The following GLI3 variants were observed in gnomAD, a reference collection of about 807,000 sequenced individuals.
GLI3 encodes the protein GLI family zinc finger 3.
GLI3 carries 20 observed loss-of-function variants against 100.8 expected under a neutral mutation model. The observed-to-expected ratio is 0.20, with a 90% CI of 0.14 to 0.29. GLI3 has a LOEUF of 0.29. Among genes scored for constraint, GLI3 ranks in the 10% least tolerant of loss-of-function variants. The pLI is 1.00. For missense variants in GLI3, 2,040 were observed against 2,128.5 expected (o/e 0.96, Z 0.82); for synonymous variants, 938 against 860.5 (o/e 1.09, Z -1.58).
intron 6 of GLI3, among the ~76,000 whole-genome samples, chr7:42,042,091 G>A (rs973814106): frequency 6.8e-6 from 1 of 146,696 alleles, no homozygotes; most frequent in Non-Finnish European, 1.5e-5. Flanking sequence ...TCGGCTCACT[G>A]CAACTCTGTC....
At chr7:42,232,003 A>G (rs1020376767) in intron 1 of GLI3, among the ~76,000 whole-genome samples, 1 of 152,210 alleles carries the variant, frequency 6.6e-6, no homozygotes, top group Non-Finnish European at 1.5e-5. Context: ...AGATTTAAGT[A>G]AAAGTGCACT....
intron 4 of GLI3, among the ~76,000 whole-genome samples, chr7:42,072,571 A>C (rs1421408510): frequency 6.6e-6 from 1 of 152,212 alleles, no homozygotes; most frequent in Non-Finnish European, 1.5e-5. Flanking sequence ...ATTCTGGGGT[A>C]GTAGGCTGTA....
At chr7:42,092,350 T>A (rs62443772) in intron 3 of GLI3, among the ~76,000 whole-genome samples, 29,547 of 152,140 alleles carry the variant, frequency 0.19, 3,155 homozygotes, top group Admixed American at 0.34. Flanking sequence ...AAGTTGTGCC[T>A]GAGAAAAACA....
chr7:42,045,559 C>G (rs781368701), intron 5 of GLI3, 29 bp from the exon 6 acceptor site: 1 of 1,611,600 alleles, frequency 6.2e-7, no homozygotes, highest in Non-Finnish European at 8.5e-7. Flanking sequence ...TGTATGGTTA[C>G]TAGCGAAAGA....
chr7:42,034,300 G>T (rs1445227862), intron 7 of GLI3, among the ~76,000 whole-genome samples: 1 of 152,196 alleles, frequency 6.6e-6, no homozygotes, highest in East Asian at 1.9e-4. Context: ...CGACCCACCA[G>T]GTTGAATTTG....
chr7:42,075,308 AC>A (rs1367085127), intron 4 of GLI3, among the ~76,000 whole-genome samples: 1 of 152,246 alleles, frequency 6.6e-6, no homozygotes, highest in Non-Finnish European at 1.5e-5. Flanking sequence ...TAAATTAAGT[AC>A]ATCACAAAGG....
At chr7:42,143,650 C>T (rs1786628042) in intron 3 of GLI3, among the ~76,000 whole-genome samples, 1 of 152,248 alleles carries the variant, frequency 6.6e-6, no homozygotes. Context: ...AAATGCAAGC[C>T]AATTAAAAAT....
chr7:42,175,276 T>C (rs1292751302), intron 2 of GLI3, among the ~76,000 whole-genome samples: 3 of 152,196 alleles, frequency 2.0e-5, no homozygotes, highest in Non-Finnish European at 2.9e-5. Context: ...TCCAGTTGTA[T>C]AAGCTGAGGA....
chr7:41,970,610 T>C (rs1787338901), intron 13 of GLI3, among the ~76,000 whole-genome samples: 1 of 152,188 alleles, frequency 6.6e-6, no homozygotes, highest in Non-Finnish European at 1.5e-5. Context: ...CATTGGGACA[T>C]CTCAATGTTG....
chr7:42,219,853 CTT>C (rs769305998), intron 2 of GLI3, among the ~76,000 whole-genome samples: 31 of 133,636 alleles, frequency 2.3e-4, no homozygotes, highest in South Asian at 2.4e-4. Flanking sequence ...AAACTGAACT[CTT>C]TTTTTTTTTT....
intron 2 of GLI3, among the ~76,000 whole-genome samples, chr7:42,209,611 A>G (rs1788222421): frequency 1.3e-5 from 2 of 152,208 alleles, no homozygotes; most frequent in African/African-American, 4.8e-5. Flanking sequence ...AGACTTGAAT[A>G]TCAAGAATAT....
chr7:42,194,759 CTTT>C (rs61524545), intron 2 of GLI3, among the ~76,000 whole-genome samples: 8 of 108,940 alleles, frequency 7.3e-5, no homozygotes, highest in Middle Eastern at 5.7e-3. Flanking sequence ...CTCTCTGTCT[CTTT>C]TTTTTTTTTT....
intron 12 of GLI3, among the ~76,000 whole-genome samples, chr7:41,975,066 C>A (rs1246872175): frequency 6.6e-6 from 1 of 152,118 alleles, no homozygotes; most frequent in Non-Finnish European, 1.5e-5. Flanking sequence ...GAGGTTCAAC[C>A]GAATCAGAGC....
intron 1 of GLI3, among the ~76,000 whole-genome samples, chr7:42,225,385 A>G (rs1324105408): frequency 3.3e-5 from 5 of 152,138 alleles, no homozygotes; most frequent in Admixed American, 2.0e-4. Flanking sequence ...TTTGAGACAG[A>G]GTCTCACTCT....
At chr7:42,185,453 T>C (rs1375899291) in intron 2 of GLI3, among the ~76,000 whole-genome samples, 1 of 152,132 alleles carries the variant, frequency 6.6e-6, no homozygotes, top group African/African-American at 2.4e-5. Context: ...AGTAGTAGTA[T>C]GATCCACACG....
chr7:41,982,646 G>A (rs1051023484), intron 10 of GLI3, among the ~76,000 whole-genome samples: 10 of 149,164 alleles, frequency 6.7e-5, no homozygotes, highest in Non-Finnish European at 1.2e-4. Context: ...AGGCAGTAGT[G>A]AGCCAGGTTT....
rs190081949 is a variant in GLI3, at chr7:42,183,213, G to A, written c.125-34745C>T. Reference sequence around the variant, plus strand: ...CACTCCAGCCTGGGTGACAGAATGAGACTCTGTCTCAAAAAATTAAAAAAA... The same window carrying A: ...CACTCCAGCCTGGGTGACAGAATGAAACTCTGTCTCAAAAAATTAAAAAAA... On this transcript the variant is annotated intron_variant, in intron 2 of 14. Coordinates refer to ENST00000395925, the MANE Select transcript of GLI3 (RefSeq NM_000168.6). 9.9e-5 allele frequency among the ~76,000 whole-genome samples: 15 copies of A among 152,206 alleles called. No homozygotes were observed. In the East Asian group the frequency reaches 2.9e-3, roughly 29 times the overall value.
At chr7:42,169,956 A>G (rs1787330281) in intron 2 of GLI3, among the ~76,000 whole-genome samples, 1 of 151,890 alleles carries the variant, frequency 6.6e-6, no homozygotes, top group Admixed American at 6.6e-5. Context: ...ATATTTCGCT[A>G]AAATTAAAAA....
At chr7:42,070,335 G>T (rs1784760410) in intron 4 of GLI3, among the ~76,000 whole-genome samples, 1 of 152,170 alleles carries the variant, frequency 6.6e-6, no homozygotes, top group African/African-American at 2.4e-5. Context: ...TTGGGAATTT[G>T]CAGAAGACAA....
Sources: allele counts gnomAD v4.1 joint callset (sites outside exome capture counted in the v4.1 genomes callset), GRCh38; gene constraint gnomAD v4.1.1; transcripts MANE v1.5; gene names NCBI Gene and HGNC (gene_info 2026-07-23, HGNC 2026-07-21).